The following PPFIA2 variants were observed in gnomAD, a reference collection of about 807,000 sequenced individuals.
PPFIA2 encodes PPFI scaffold protein A2, also known as liprin-alpha-2.
PPFIA2 carries 46 observed loss-of-function variants against 175.5 expected under a neutral mutation model. The ratio of observed to expected loss-of-function variants is 0.26; its 90% confidence interval spans 0.21 to 0.34. The LOEUF is 0.34. PPFIA2 is among the 10% of genes least tolerant of loss of function. The probability of loss-of-function intolerance (pLI) is 1.00; values close to 1 mark genes in which losing one functional copy is unlikely to be tolerated. For missense variants in PPFIA2, 1,179 were observed against 1,506.1 expected, an observed-to-expected ratio of 0.78 and a Z score of 3.60; for synonymous variants, 568 against 511.4, an observed-to-expected ratio of 1.11 and a Z score of -1.49.
intron 22 of PPFIA2, chr12:81,311,992 C>G: frequency 3.2e-6 from 2 of 624,588 alleles, no homozygotes; most frequent in Non-Finnish European, 5.4e-6. Context: ...TTTCTCTGAA[C>G]CAATGATTCC....
intron 3 of PPFIA2, among the ~76,000 whole-genome samples, chr12:81,686,615 A>T (rs2074455152): frequency 6.6e-6 from 1 of 152,056 alleles, no homozygotes; most frequent in Non-Finnish European, 1.5e-5. Context: ...CAAACTCACT[A>T]TATCCAAATA....
rs115791990 is a variant in PPFIA2 at position 81,290,114 on chromosome 12, C to T, written c.2925+4721G>A. On this transcript the variant is annotated intron_variant, in intron 24 of 32. Coordinates refer to ENST00000549396, the MANE Select transcript of PPFIA2 (RefSeq NM_003625.5). ...TAAAAAAGCCCCGAAGCCCAAGTAC[C>T]TTGTCTTTTTCTCCTCAGAACTTCA... Among the ~76,000 whole-genome samples, 419 of 151,814 alleles carry T rather than the reference C, an allele frequency of 2.8e-3. 4 individuals carry two copies. Among genetic ancestry groups the T allele is most frequent in the African/African-American group, 9.7e-3 (403 of 41,488 alleles).
At chr12:81,706,958 G>T (rs1007565682) in intron 3 of PPFIA2, among the ~76,000 whole-genome samples, 2 of 152,056 alleles carry the variant, frequency 1.3e-5, no homozygotes, top group African/African-American at 4.8e-5. Flanking sequence ...TGGGAAAACT[G>T]GCTAGCCATA....
chr12:81,378,862 C>T (rs892874538), intron 9 of PPFIA2, among the ~76,000 whole-genome samples: 3 of 152,108 alleles, frequency 2.0e-5, no homozygotes, highest in East Asian at 1.9e-4. Flanking sequence ...TCACCTTTTC[C>T]GTGCTTCACC....
At chr12:81,562,594 T>A (rs1379503112) in intron 4 of PPFIA2, among the ~76,000 whole-genome samples, 3 of 151,920 alleles carry the variant, frequency 2.0e-5, no homozygotes, top group Non-Finnish European at 2.9e-5. Flanking sequence ...ACGCCTGTAA[T>A]CCCAGCACTT....
chr12:81,725,509 C>T (rs2079952280), intron 3 of PPFIA2, among the ~76,000 whole-genome samples: 1 of 150,330 alleles, frequency 6.7e-6, no homozygotes, highest in Non-Finnish European at 1.5e-5. Context: ...AGAAGGAAAC[C>T]AAAGAGTTCT....
chr12:81,344,550 ACT>A (rs1304606410), intron 19 of PPFIA2, 112 bp downstream of exon 19: 2 of 681,668 alleles, frequency 2.9e-6, no homozygotes, highest in African/African-American at 1.8e-5. Flanking sequence ...CACTTTAAAT[ACT>A]CTCAACTTTT....
intron 4 of PPFIA2, among the ~76,000 whole-genome samples, chr12:81,469,859 T>G (rs1299822081): frequency 6.6e-6 from 1 of 152,176 alleles, no homozygotes; most frequent in Non-Finnish European, 1.5e-5. Context: ...GCTCTCCAGC[T>G]GGGATTATTT....
intron 4 of PPFIA2, among the ~76,000 whole-genome samples, chr12:81,470,734 C>A (rs1226747131): frequency 1.3e-5 from 2 of 152,064 alleles, no homozygotes; most frequent in African/African-American, 4.8e-5. Context: ...TATTTCATAT[C>A]GTTTTATTTT....
At chr12:81,273,714 A>G (rs1352111229) in intron 28 of PPFIA2, among the ~76,000 whole-genome samples, 2 of 152,124 alleles carry the variant, frequency 1.3e-5, no homozygotes, top group East Asian at 3.9e-4. Context: ...TCTCATTTCA[A>G]AAGAAAGGTC....
chr12:81,398,859 A>G (rs2041640781), intron 8 of PPFIA2, among the ~76,000 whole-genome samples: 1 of 152,008 alleles, frequency 6.6e-6, no homozygotes, highest in East Asian at 1.9e-4. Context: ...GCTCGACAAT[A>G]CTAAGAGTTA....
intron 3 of PPFIA2, among the ~76,000 whole-genome samples, chr12:81,706,732 C>T (rs2077200467): frequency 6.6e-6 from 1 of 152,084 alleles, no homozygotes; most frequent in African/African-American, 2.4e-5. Flanking sequence ...CAATCCTAAG[C>T]CAAAAGAACA....
chr12:81,619,194 G>A (rs2061754768), intron 4 of PPFIA2, among the ~76,000 whole-genome samples: 1 of 152,152 alleles, frequency 6.6e-6, no homozygotes, highest in Admixed American at 6.5e-5. Flanking sequence ...CTGGTAATGG[G>A]TTGGGAACAT....
At chr12:81,688,684 ATAACT>A (rs2074785510) in intron 3 of PPFIA2, among the ~76,000 whole-genome samples, 1 of 150,924 alleles carries the variant, frequency 6.6e-6, no homozygotes, top group Non-Finnish European at 1.5e-5. Context: ...CCAACTGTTA[ATAACT>A]GCAGTTCCTC....
chr12:81,332,791 A>G (rs979591394), intron 21 of PPFIA2, among the ~76,000 whole-genome samples: 2 of 152,164 alleles, frequency 1.3e-5, no homozygotes, highest in African/African-American at 4.8e-5. Context: ...GCCAGGATTC[A>G]CTATCAACTC....
intron 4 of PPFIA2, among the ~76,000 whole-genome samples, chr12:81,593,544 T>C (rs2058913088): frequency 6.6e-6 from 1 of 152,196 alleles, no homozygotes. Flanking sequence ...TCTCCATGTA[T>C]GAGGAACACA....
At chr12:81,677,910 G>C (rs2072866949) in intron 3 of PPFIA2, among the ~76,000 whole-genome samples, 1 of 151,782 alleles carries the variant, frequency 6.6e-6, no homozygotes, top group South Asian at 2.1e-4. Flanking sequence ...GGTTACTAAT[G>C]ATTATATGAC....
chr12:81,574,096 C>T (rs912711432), intron 4 of PPFIA2, among the ~76,000 whole-genome samples: 2 of 151,890 alleles, frequency 1.3e-5, no homozygotes, highest in Non-Finnish European at 2.9e-5. Context: ...TGTAACAATA[C>T]AAAAATAGTT....
chr12:81,464,963 A>T (rs551019565), intron 4 of PPFIA2, among the ~76,000 whole-genome samples: 3 of 152,210 alleles, frequency 2.0e-5, no homozygotes, highest in East Asian at 1.9e-4. Flanking sequence ...TGAGAAAAAA[A>T]ATGACATATT....
Sources: gnomAD v4.1 joint callset for allele counts (sites outside exome capture counted in the v4.1 genomes callset) on GRCh38, gnomAD v4.1.1 for gene constraint, MANE v1.5 for transcripts, NCBI Gene and HGNC (gene_info 2026-07-23, HGNC 2026-07-21) for gene names.